Variants in LARP1B observed in about 807,000 individuals in gnomAD.
The protein encoded by LARP1B is la-related protein 1B.
A neutral mutation model predicts 114.2 loss-of-function variants in LARP1B; 76 were observed. The observed-to-expected ratio is 0.67, with a 90% CI of 0.55 to 0.81. The LOEUF (loss-of-function observed/expected upper bound fraction) is 0.81. Ranked by LOEUF, LARP1B falls within the 30% of genes least tolerant of loss-of-function variation. The pLI is 0.00. For synonymous variants in LARP1B, 345 were observed against 348.0 expected, an observed-to-expected ratio of 0.99 and a Z score of 0.10; for missense variants, 1,014 against 1,075.8, an observed-to-expected ratio of 0.94 and a Z score of 0.80.
intron 11 of LARP1B, among the ~76,000 whole-genome samples, chr4:128,144,329 A>G (rs900776239): frequency 2.0e-5 from 3 of 152,184 alleles, no homozygotes; most frequent in African/African-American, 7.2e-5. Context: ...AATATATCCA[A>G]TTTGAGGTTA....
chr4:128,166,952 CTCTCTCTCTCTCTCTCTCTA>C (rs1239262828), intron 12 of LARP1B, among the ~76,000 whole-genome samples: 15 of 112,678 alleles, frequency 1.3e-4, no homozygotes, highest in South Asian at 2.9e-4. Flanking sequence ...CTCTCTCTCT[CTCTCTCTCTCTCTCTCTCTA>C]TATATATATA....
exon 8 of LARP1B, chr4:128,222,375 C>CA (rs1387603107): frequency 4.4e-6 from 2 of 456,488 alleles, no homozygotes; most frequent in African/African-American, 4.0e-5. Flanking sequence ...TACTTCTGCT[C>CA]ATCATAAACA....
intron 1 of LARP1B, among the ~76,000 whole-genome samples, chr4:128,065,345 CTTTTCT>C (rs1762370730): frequency 2.7e-5 from 3 of 111,180 alleles, no homozygotes; most frequent in African/African-American, 1.1e-4. Context: ...CCTTTCTTTT[CTTTTCT>C]TTTCTTTTCT....
intron 8 of LARP1B, among the ~76,000 whole-genome samples, chr4:128,105,612 G>T (rs553636878): frequency 1.3e-5 from 2 of 152,108 alleles, no homozygotes; most frequent in Non-Finnish European, 2.9e-5. Context: ...CCCAATTATG[G>T]CCAGGCGTGG....
At chr4:128,149,269 C>T in intron 11 of LARP1B, among the ~76,000 whole-genome samples, 1 of 152,076 alleles carries the variant, frequency 6.6e-6, no homozygotes, top group Non-Finnish European at 1.5e-5. Context: ...GAGGTGGGAC[C>T]AGATTGCAAA....
intron 1 of LARP1B, chr4:128,069,630 C>T (rs2096389839): frequency 1.5e-6 from 1 of 646,676 alleles, no homozygotes; most frequent in African/African-American, 1.8e-5. Context: ...TACCTGATGG[C>T]TGCTGCTAGA....
intron 12 of LARP1B, among the ~76,000 whole-genome samples, chr4:128,169,118 C>G (rs1742407505): frequency 6.6e-6 from 1 of 151,940 alleles, no homozygotes; most frequent in South Asian, 2.1e-4. Flanking sequence ...TCTCTTCTTT[C>G]ATTCCTACTA....
chr4:128,099,607 G>A (rs999891885), intron 8 of LARP1B, among the ~76,000 whole-genome samples: 1 of 151,950 alleles, frequency 6.6e-6, no homozygotes, highest in Non-Finnish European at 1.5e-5. Flanking sequence ...GTATTCCATG[G>A]TATGGATATA....
chr4:128,176,941 T>C (rs767310796), intron 13 of LARP1B, 34 bp downstream of exon 13: 1 of 1,586,436 alleles, frequency 6.3e-7, no homozygotes, highest in East Asian at 2.2e-5. Context: ...AGGGAGGCTA[T>C]GATATCCTTT....
intron 6 of LARP1B, chr4:128,220,348 T>G: frequency 1.1e-6 from 1 of 948,610 alleles, no homozygotes. Flanking sequence ...ATTTTATTCT[T>G]GCATAGGAGG....
At chr4:128,126,439 A>T (rs1276905900) in intron 11 of LARP1B, among the ~76,000 whole-genome samples, 1 of 152,140 alleles carries the variant, frequency 6.6e-6, no homozygotes, top group Non-Finnish European at 1.5e-5. Flanking sequence ...AATAATTTAG[A>T]TAGTCAGATT....
chr4:128,072,982 A>T (rs2149365782), intron 1 of LARP1B, among the ~76,000 whole-genome samples: 1 of 152,362 alleles, frequency 6.6e-6, no homozygotes, highest in Admixed American at 6.5e-5. Context: ...CTGTTTAAAT[A>T]GGATTATCAA....
At chr4:128,113,111 A>G (rs1009535815) in intron 9 of LARP1B, among the ~76,000 whole-genome samples, 27 of 152,292 alleles carry the variant, frequency 1.8e-4, no homozygotes, top group Non-Finnish European at 1.0e-4. Context: ...GGAGTTAATG[A>G]TGTTAAGAAT....
intron 10 of LARP1B, among the ~76,000 whole-genome samples, chr4:128,119,723 T>C (rs182414397): frequency 6.6e-6 from 1 of 152,338 alleles, no homozygotes; most frequent in East Asian, 1.9e-4. Context: ...TTTTCTCTGC[T>C]TTTGTTTATT....
Position 128,211,186 on chromosome 4 carries a change from G to A in LARP1B, c.*1133G>A. 1 of 927,488 alleles carries A rather than the reference G, an allele frequency of 1.1e-6. No individual in the cohort carries two copies. Among genetic ancestry groups the A allele is most frequent in the Admixed American group, 6.2e-5 (1 of 16,182 alleles). 57.5% of individuals were successfully genotyped at this position (927,488 alleles called of 1,614,324 possible). ...TTATTTAGAATATAGTTGAAAAGCT[G>A]TAATATTCAGTTTTGCTAGTAAAAG... On this transcript the variant is annotated 3_prime_UTR_variant, in exon 20 of 20. Transcript: ENST00000326639.
downstream of LARP1B, among the ~76,000 whole-genome samples, chr4:128,213,285 G>A (rs1561592425): frequency 6.6e-6 from 1 of 152,012 alleles, no homozygotes. Flanking sequence ...ATTTTAAATA[G>A]TGACCATTTT....
chr4:128,138,841 G>A (rs753600668), intron 11 of LARP1B, among the ~76,000 whole-genome samples: 4 of 151,912 alleles, frequency 2.6e-5, no homozygotes, highest in Non-Finnish European at 4.4e-5. Context: ...CCTGTAGTCC[G>A]AGCTACTTGG....
At chr4:128,193,692 C>T (rs1275726716) in intron 15 of LARP1B, among the ~76,000 whole-genome samples, 2 of 152,134 alleles carry the variant, frequency 1.3e-5, no homozygotes, top group Non-Finnish European at 2.9e-5. Context: ...TCTTGGCTCA[C>T]TGCAACCCCT....
intron 11 of LARP1B, among the ~76,000 whole-genome samples, chr4:128,136,458 T>C (rs1384070839): frequency 6.6e-6 from 1 of 152,148 alleles, no homozygotes; most frequent in African/African-American, 2.4e-5. Context: ...AAAGTGAAGT[T>C]TATCAGAGGA....
Sources: gnomAD v4.1 joint callset for allele counts (sites outside exome capture counted in the v4.1 genomes callset) on GRCh38, gnomAD v4.1.1 for gene constraint, MANE v1.5 for transcripts, NCBI Gene and HGNC (gene_info 2026-07-23, HGNC 2026-07-21) for gene names.